Variants in TAS2R1 observed in about 807,000 individuals in gnomAD.
The protein encoded by TAS2R1 is taste 2 receptor member 1.
For missense variants in TAS2R1, 370 were observed against 353.4 expected, an observed-to-expected ratio of 1.05 and a Z score of -0.38; for synonymous variants, 141 against 134.2, an observed-to-expected ratio of 1.05 and a Z score of -0.35.
chr5:9,731,386 C>T, the TAS2R1 span, among the ~76,000 whole-genome samples: 75 of 152,268 alleles, frequency 4.9e-4, no homozygotes, highest in Non-Finnish European at 5.4e-4. Flanking sequence ...GCCTCCTCCT[C>T]GTGTCTTCTG....
At chr5:9,640,136 T>C (rs1463188341) in intron 2 of TAS2R1, among the ~76,000 whole-genome samples, 1 of 152,114 alleles carries the variant, frequency 6.6e-6, no homozygotes, top group African/African-American at 2.4e-5. Context: ...TCAAAGGCCA[T>C]TTTAGTATTA....
chr5:9,741,858 C>A, the TAS2R1 span, among the ~76,000 whole-genome samples: 8 of 152,112 alleles, frequency 5.3e-5, no homozygotes, highest in Non-Finnish European at 2.9e-5. Flanking sequence ...AAGGCTTTCT[C>A]CCCTGTGTCA....
At chr5:9,647,209 T>C (rs964268073) in intron 2 of TAS2R1, among the ~76,000 whole-genome samples, 2 of 152,170 alleles carry the variant, frequency 1.3e-5, no homozygotes, top group Admixed American at 6.5e-5. Context: ...CCTTACCATA[T>C]GTGAAAAGAG....
At chr5:9,832,007 A>G in the TAS2R1 span, among the ~76,000 whole-genome samples, 1 of 152,344 alleles carries the variant, frequency 6.6e-6, no homozygotes, top group African/African-American at 2.4e-5. Context: ...ACAGTTTTAG[A>G]AAAAGCCAAC....
At chr5:9,848,211 A>T in the TAS2R1 span, among the ~76,000 whole-genome samples, 1 of 152,338 alleles carries the variant, frequency 6.6e-6, no homozygotes, top group Middle Eastern at 3.4e-3. Flanking sequence ...CCTTCCATCA[A>T]ATTAGATGCC....
At chr5:9,804,426 C>A in the TAS2R1 span, among the ~76,000 whole-genome samples, 1 of 152,126 alleles carries the variant, frequency 6.6e-6, no homozygotes, top group African/African-American at 2.4e-5. Flanking sequence ...TTCTATCCAA[C>A]AACTGCAGAA....
chr5:9,682,305 T>C (rs1044435318), intron 1 of TAS2R1, among the ~76,000 whole-genome samples: 1 of 152,198 alleles, frequency 6.6e-6, no homozygotes, highest in African/African-American at 2.4e-5. Context: ...CTAAGCAGCT[T>C]TTTAATACTT....
At chr5:9,849,576 A>T in the TAS2R1 span, among the ~76,000 whole-genome samples, 1 of 152,178 alleles carries the variant, frequency 6.6e-6, no homozygotes, top group Admixed American at 6.5e-5. Context: ...AGGCATCTGG[A>T]CACTTCTGTG....
intron 2 of TAS2R1, among the ~76,000 whole-genome samples, chr5:9,653,753 C>T (rs1740355202): frequency 6.6e-6 from 1 of 152,162 alleles, no homozygotes; most frequent in Non-Finnish European, 1.5e-5. Context: ...TACTGTATCA[C>T]TTACTGTCAT....
intron 1 of TAS2R1, among the ~76,000 whole-genome samples, chr5:9,668,134 A>G (rs1410573966): frequency 6.6e-6 from 1 of 152,238 alleles, no homozygotes; most frequent in Non-Finnish European, 1.5e-5. Context: ...TAACACAAAT[A>G]TCAACAGCAG....
chr5:9,735,465 T>G, the TAS2R1 span, among the ~76,000 whole-genome samples: 1 of 151,530 alleles, frequency 6.6e-6, no homozygotes, highest in Non-Finnish European at 1.5e-5. Context: ...CTTTGTCAAA[T>G]AAAATTGATA....
At chr5:9,835,845 T>C in the TAS2R1 span, among the ~76,000 whole-genome samples, 4 of 152,378 alleles carry the variant, frequency 2.6e-5, no homozygotes, top group East Asian at 7.7e-4. Flanking sequence ...CCAGGGTGGC[T>C]GAGTTAAAAC....
At chr5:9,731,143 C>T in the TAS2R1 span, among the ~76,000 whole-genome samples, 1 of 152,104 alleles carries the variant, frequency 6.6e-6, no homozygotes, top group Non-Finnish European at 1.5e-5. Flanking sequence ...CCCTCCCTGA[C>T]CTGCTCGCAG....
At chr5:9,817,403 T>C in the TAS2R1 span, among the ~76,000 whole-genome samples, 4 of 152,326 alleles carry the variant, frequency 2.6e-5, no homozygotes, top group African/African-American at 9.6e-5. Context: ...GCATCAACAA[T>C]TATGCACTTT....
the TAS2R1 span, among the ~76,000 whole-genome samples, chr5:9,898,979 G>A: frequency 4.6e-5 from 7 of 152,270 alleles, no homozygotes; most frequent in South Asian, 8.3e-4. Flanking sequence ...ATGGAACTGC[G>A]AATTCTTGTT....
At chr5:9,694,318 A>G (rs2126520309) in intron 1 of TAS2R1, among the ~76,000 whole-genome samples, 1 of 152,300 alleles carries the variant, frequency 6.6e-6, no homozygotes, top group Middle Eastern at 3.4e-3. Flanking sequence ...AAGGGAAATG[A>G]TTTTCCGTAG....
the TAS2R1 span, among the ~76,000 whole-genome samples, chr5:9,900,386 A>G: frequency 6.6e-6 from 1 of 152,198 alleles, no homozygotes; most frequent in African/African-American, 2.4e-5. Context: ...TTTACCCTAT[A>G]TTCATTAACT....
At chr5:9,678,286 T>A (rs992316590) in intron 1 of TAS2R1, among the ~76,000 whole-genome samples, 1 of 152,140 alleles carries the variant, frequency 6.6e-6, no homozygotes, top group Non-Finnish European at 1.5e-5. Context: ...AAACAACAGA[T>A]GCTGGTGAGT....
At chr5:9,712,369 G>A (rs1459203078), upstream of TAS2R1, 1 of 152,176 alleles carries the variant, frequency 6.6e-6, no homozygotes, top group African/African-American at 2.4e-5. Context: ...CAGTAGTTTG[G>A]TCAAACACCA....
Sources: allele counts gnomAD v4.1 joint callset (sites outside exome capture counted in the v4.1 genomes callset), GRCh38; gene constraint gnomAD v4.1.1; transcripts MANE v1.5; gene names NCBI Gene and HGNC (gene_info 2026-07-23, HGNC 2026-07-21).